Variants in SNCAIP observed in about 807,000 individuals in gnomAD.
The protein encoded by SNCAIP is synphilin-1.
A neutral mutation model predicts 86.7 loss-of-function variants in SNCAIP; 43 were observed. The ratio of observed to expected loss-of-function variants is 0.50; its 90% CI spans 0.39 to 0.64. SNCAIP has a LOEUF of 0.64. SNCAIP is among the 30% of genes least tolerant of loss of function. SNCAIP has a pLI of 0.00. For synonymous variants in SNCAIP, 417 were observed against 427.2 expected (o/e 0.98, Z 0.29); for missense variants, 981 against 1,103.1 (o/e 0.89, Z 1.57).
At chr5:122,351,176 C>T (rs539384295) in intron 1 of SNCAIP, among the ~76,000 whole-genome samples, 1 of 152,208 alleles carries the variant, frequency 6.6e-6, no homozygotes, top group Non-Finnish European at 1.5e-5. Flanking sequence ...GTGATATCTT[C>T]TCGTTTTATT....
intron 1 of SNCAIP, among the ~76,000 whole-genome samples, chr5:122,347,792 G>A (rs2152736172): frequency 6.6e-6 from 1 of 152,024 alleles, no homozygotes; most frequent in East Asian, 1.9e-4. Context: ...GAAGTATATT[G>A]TTTTTTCACC....
intron 7 of SNCAIP, among the ~76,000 whole-genome samples, chr5:122,443,149 A>C (rs1581306820): frequency 6.6e-6 from 1 of 152,134 alleles, no homozygotes; most frequent in African/African-American, 2.4e-5. Context: ...TTTCATGGTG[A>C]GTGATCATAA....
chr5:122,413,154 C>A (rs1774503016), intron 3 of SNCAIP, among the ~76,000 whole-genome samples: 1 of 152,316 alleles, frequency 6.6e-6, no homozygotes, highest in South Asian at 2.1e-4. Context: ...CTCAGAAATA[C>A]CCTATTTCAG....
Position 122,456,008 on chromosome 5 carries a change from AT to A in SNCAIP, c.2754+4409del, listed in dbSNP as rs373888923. 3.3e-5 allele frequency among the ~76,000 whole-genome samples: 5 copies of A among 152,344 alleles called. No individual in the cohort carries two copies. The East Asian group carries it at 7.7e-4, about 24-fold the overall frequency. ...ACTTGTCTTAAAATGCCAGTGAAAC[AT>A]TCATTTCCCAGAGTTTAAGTCCATC... is the stretch of plus-strand genomic sequence containing the variant. On this transcript the variant is annotated intron_variant, in intron 10 of 10. Coordinates refer to ENST00000261368, the MANE Select transcript of SNCAIP (RefSeq NM_005460.4).
At chr5:122,359,409 G>T (rs1761779551) in intron 1 of SNCAIP, among the ~76,000 whole-genome samples, 1 of 137,804 alleles carries the variant, frequency 7.3e-6, no homozygotes, top group Non-Finnish European at 1.6e-5. Flanking sequence ...TGTCGCTCAG[G>T]CTGGAGTTCA....
At chr5:122,409,086 T>TA (rs34857169) in intron 3 of SNCAIP, among the ~76,000 whole-genome samples, 7,257 of 147,696 alleles carry the variant, frequency 0.049, 446 homozygotes, top group African/African-American at 0.15. Flanking sequence ...AAGTTATGTG[T>TA]AAAAAAAAAA....
intron 1 of SNCAIP, among the ~76,000 whole-genome samples, chr5:122,366,720 T>C (rs974247883): frequency 2.6e-5 from 4 of 152,058 alleles, no homozygotes; most frequent in African/African-American, 9.7e-5. Context: ...AGGAGCTGAA[T>C]GTAGGCAGGC....
chr5:122,342,871 G>T (rs1193422156), intron 1 of SNCAIP, among the ~76,000 whole-genome samples: 1 of 152,176 alleles, frequency 6.6e-6, no homozygotes, highest in Non-Finnish European at 1.5e-5. Flanking sequence ...GTGGCAGAAT[G>T]TTTAGGATAT....
At chr5:122,429,353 T>G (rs1777941681) in intron 5 of SNCAIP, among the ~76,000 whole-genome samples, 1 of 138,830 alleles carries the variant, frequency 7.2e-6, no homozygotes, top group African/African-American at 2.7e-5. Context: ...TAAAAAGAAA[T>G]AAAATAAAAA....
At chr5:122,385,383 T>G (rs1767893705) in intron 1 of SNCAIP, among the ~76,000 whole-genome samples, 1 of 152,168 alleles carries the variant, frequency 6.6e-6, no homozygotes, top group African/African-American at 2.4e-5. Flanking sequence ...ATTTCTTGCC[T>G]CTATCATTTT....
chr5:122,333,565 A>G (rs1228604244), intron 1 of SNCAIP, among the ~76,000 whole-genome samples: 2 of 152,260 alleles, frequency 1.3e-5, no homozygotes. Context: ...GAATGAAGGC[A>G]CTTTGTTGGC....
intron 5 of SNCAIP, among the ~76,000 whole-genome samples, chr5:122,426,388 A>G (rs1777374764): frequency 6.6e-6 from 1 of 152,212 alleles, no homozygotes. Flanking sequence ...GGAATTTGTT[A>G]GAGAAACCTA....
At chr5:122,401,699 A>G (rs1301851821) in intron 2 of SNCAIP, among the ~76,000 whole-genome samples, 1 of 152,190 alleles carries the variant, frequency 6.6e-6, no homozygotes, top group Non-Finnish European at 1.5e-5. Context: ...CTGGGTAGAG[A>G]GGCAAAGTGC....
At chr5:122,440,941 A>G (rs989716992) in intron 7 of SNCAIP, 187 bp downstream of exon 7, 5 of 622,396 alleles carry the variant, frequency 8.0e-6, no homozygotes, top group African/African-American at 7.3e-5. Context: ...ATAAATATCC[A>G]TAAGAGTTTC....
At chr5:122,318,049 T>C (rs1561498731) in intron 1 of SNCAIP, among the ~76,000 whole-genome samples, 1 of 152,082 alleles carries the variant, frequency 6.6e-6, no homozygotes, top group African/African-American at 2.4e-5. Context: ...AACCTTGTCA[T>C]AGTCCTGGAG....
At chr5:122,430,811 T>A (rs1179762566) in intron 5 of SNCAIP, among the ~76,000 whole-genome samples, 1 of 152,134 alleles carries the variant, frequency 6.6e-6, no homozygotes, top group Non-Finnish European at 1.5e-5. Context: ...TTTTTCTGCC[T>A]ACTTTTACTT....
intron 1 of SNCAIP, among the ~76,000 whole-genome samples, chr5:122,372,776 T>G (rs1460997901): frequency 1.3e-5 from 2 of 152,054 alleles, no homozygotes; most frequent in Admixed American, 1.3e-4. Context: ...TTTATAAAGA[T>G]GTCTTCTTTT....
intron 1 of SNCAIP, among the ~76,000 whole-genome samples, chr5:122,314,668 A>G (rs1035216626): frequency 6.6e-6 from 1 of 152,208 alleles, no homozygotes; most frequent in Non-Finnish European, 1.5e-5. Flanking sequence ...TGCTAGTATC[A>G]TATGTACTAT....
chr5:122,346,027 A>G (rs1226940321), intron 1 of SNCAIP, among the ~76,000 whole-genome samples: 1 of 152,130 alleles, frequency 6.6e-6, no homozygotes, highest in Non-Finnish European at 1.5e-5. Flanking sequence ...AAAGAGGGAA[A>G]AGAGGAGAGG....
Sources: allele counts gnomAD v4.1 joint callset (sites outside exome capture counted in the v4.1 genomes callset), GRCh38; gene constraint gnomAD v4.1.1; transcripts MANE v1.5; gene names NCBI Gene and HGNC (gene_info 2026-07-23, HGNC 2026-07-21).